The following CREB5 variants were observed in gnomAD, a reference collection of about 807,000 sequenced individuals.
CREB5 encodes cyclic AMP-responsive element-binding protein 5.
In CREB5, 19 loss-of-function variants were observed where a neutral mutation model predicts 57.1. The observed-to-expected ratio is 0.33, with a 90% CI of 0.23 to 0.49. CREB5 has a LOEUF of 0.49. Among genes scored for constraint, CREB5 ranks in the 20% least tolerant of loss-of-function variants. The probability of loss-of-function intolerance (pLI) is 0.99; values close to 1 mark genes in which losing one functional copy is unlikely to be tolerated. For missense variants in CREB5, 579 were observed against 671.6 expected (o/e 0.86, Z 1.52); for synonymous variants, 238 against 238.3 (o/e 1.00, Z 0.01).
intron 1 of CREB5, among the ~76,000 whole-genome samples, chr7:28,403,223 T>A (rs1044439867): frequency 6.6e-6 from 1 of 152,194 alleles, no homozygotes; most frequent in East Asian, 1.9e-4. Flanking sequence ...AGCTGGCTTA[T>A]GCTAAGACTC....
At chr7:28,465,458 G>C (rs1790524194) in intron 1 of CREB5, among the ~76,000 whole-genome samples, 1 of 152,194 alleles carries the variant, frequency 6.6e-6, no homozygotes, top group Non-Finnish European at 1.5e-5. Context: ...GTATTTCCAG[G>C]ATTCACAGGT....
At position 28,362,281 on chromosome 7, in the gene CREB5, G is replaced by T. The variant is rs575501377; in HGVS notation, c.-25+62840G>T. 1.5e-4 allele frequency among the ~76,000 whole-genome samples: 23 copies of T among 152,262 alleles called. No homozygotes were observed. The South Asian group carries it at 3.7e-3, about 25-fold the overall frequency. ...TGGCTAGTGATAAGCACAAAAAAGAGAAATTAACAAATTAATTAATACTTA... is the reference window on the plus strand; with the variant it reads ...TGGCTAGTGATAAGCACAAAAAAGATAAATTAACAAATTAATTAATACTTA... On this transcript the variant is annotated intron_variant, in intron 1 of 9. Transcript: ENST00000396299.
chr7:28,499,081 A>G (rs543580918), intron 3 of CREB5, among the ~76,000 whole-genome samples: 132 of 150,208 alleles, frequency 8.8e-4, no homozygotes, highest in African/African-American at 3.1e-3. Flanking sequence ...GTCTATTTCC[A>G]TGGTAGTACG....
At chr7:28,635,697 G>T (rs1798391011) in intron 5 of CREB5, among the ~76,000 whole-genome samples, 2 of 152,066 alleles carry the variant, frequency 1.3e-5, no homozygotes, top group South Asian at 4.2e-4. Context: ...TTTGGTTTAG[G>T]GTTTTATTAT....
intron 1 of CREB5, among the ~76,000 whole-genome samples, chr7:28,443,801 G>C (rs1185091851): frequency 1.3e-5 from 2 of 152,104 alleles, no homozygotes; most frequent in Non-Finnish European, 2.9e-5. Context: ...TTACGATGAT[G>C]ATGACTCTTT....
At chr7:28,757,671 CAAA>C (rs1008457413) in intron 7 of CREB5, among the ~76,000 whole-genome samples, 4 of 97,208 alleles carry the variant, frequency 4.1e-5, no homozygotes, top group Non-Finnish European at 4.4e-5. Flanking sequence ...GACTCCGTCT[CAAA>C]AAAAAAAAAA....
intron 1 of CREB5, among the ~76,000 whole-genome samples, chr7:28,421,782 T>TACAC (rs148906424): frequency 2.9e-4 from 43 of 145,838 alleles, no homozygotes; most frequent in Admixed American, 2.0e-3. Flanking sequence ...TATATATATA[T>TACAC]ACCATATATA....
chr7:28,647,732 A>G (rs1798941395), intron 5 of CREB5, among the ~76,000 whole-genome samples: 1 of 152,160 alleles, frequency 6.6e-6, no homozygotes, highest in Non-Finnish European at 1.5e-5. Context: ...TTTCAGCAAT[A>G]ATGGAAATGT....
intron 7 of CREB5, among the ~76,000 whole-genome samples, chr7:28,768,661 C>T (rs1439192336): frequency 6.6e-6 from 1 of 152,182 alleles, no homozygotes; most frequent in Non-Finnish European, 1.5e-5. Context: ...CATAGGTTCT[C>T]TTCCAGTTCT....
rs1795167491 is a variant in CREB5, at chr7:28,560,905, CGTGCGTGTGCGTGT to C, written c.292-9454_292-9441del. On this transcript the variant is annotated intron_variant, in intron 4 of 10. Transcript: ENST00000357727. ...GTGCGTGCGTGTGTGTGCGTGCGCG[CGTGCGTGTGCGTGT>C]GTGCGCGTGCGTGTGTGCGTGCGTG... Among the ~76,000 whole-genome samples, 2 of 13,468 alleles carry C rather than the reference CGTGCGTGTGCGTGT, an allele frequency of 1.5e-4. 1 individual carries two copies. Among genetic ancestry groups the C allele is most frequent in the Non-Finnish European group, 2.5e-4 (2 of 7,950 alleles). 8.8% of individuals were successfully genotyped at this position (13,468 alleles called of 152,430 possible).
intron 1 of CREB5, among the ~76,000 whole-genome samples, chr7:28,430,363 A>G (rs1036893557): frequency 6.6e-6 from 1 of 152,196 alleles, no homozygotes; most frequent in Admixed American, 6.5e-5. Flanking sequence ...AGAGAGAGGA[A>G]GTCCTTGCTT....
chr7:28,702,358 C>T (rs752769894), intron 5 of CREB5, among the ~76,000 whole-genome samples: 1 of 152,184 alleles, frequency 6.6e-6, no homozygotes, highest in African/African-American at 2.4e-5. Flanking sequence ...AATTATAAGC[C>T]TTGGAAAGAA....
Position 28,808,908 on chromosome 7 carries a change from G to A in CREB5, c.1027-279G>A, listed in dbSNP as rs531739833. On this transcript the variant is annotated intron_variant, in intron 8 of 10. Transcript: ENST00000357727. ...TAAATGTTTCCTCTACCATGATTCG[G>A]CCAAATGCCTGTCAGGGAAAAATCC... Among the ~76,000 whole-genome samples the A allele has an allele frequency of 3.3e-5, 5 of 152,014 alleles. No homozygotes were observed. In the South Asian group the frequency reaches 1.0e-3, roughly 32 times the overall value.
intron 4 of CREB5, among the ~76,000 whole-genome samples, chr7:28,548,053 C>T (rs1794484862): frequency 6.6e-6 from 1 of 152,162 alleles, no homozygotes; most frequent in South Asian, 2.1e-4. Context: ...TCAACACATT[C>T]TTCATTTAGT....
intron 1 of CREB5, among the ~76,000 whole-genome samples, chr7:28,336,370 G>A (rs1189178245): frequency 6.6e-6 from 1 of 151,944 alleles, no homozygotes; most frequent in Non-Finnish European, 1.5e-5. Context: ...CTTTGATCTT[G>A]TTGCTTGTTA....
chr7:28,515,910 A>G (rs1305875964), intron 4 of CREB5, among the ~76,000 whole-genome samples: 6 of 123,168 alleles, frequency 4.9e-5, no homozygotes, highest in Non-Finnish European at 9.0e-5. Flanking sequence ...TAAAGTAAAA[A>G]TATATATATA....
rs973897837 is a variant in CREB5 at position 28,333,022 on chromosome 7, T to C, written c.-25+33581T>C. On this transcript the variant is annotated intron_variant, in intron 1 of 9. Transcript: ENST00000396299. ...CAATTTCATTAGCTTTGTGAGATAG[T>C]GGCTACTTTCTTTTGATAGCAGACT... 3.3e-5 allele frequency among the ~76,000 whole-genome samples: 5 copies of C among 152,362 alleles called. No individual in the cohort carries two copies. The South Asian group carries it at 1.0e-3, about 32-fold the overall frequency.
At chr7:28,523,422 G>C (rs1206077626) in intron 4 of CREB5, among the ~76,000 whole-genome samples, 6 of 152,140 alleles carry the variant, frequency 3.9e-5, no homozygotes, top group African/African-American at 1.4e-4. Context: ...TGTGCTAGTT[G>C]GGTCAGGAGC....
chr7:28,405,437 G>A (rs192003333), intron 1 of CREB5, among the ~76,000 whole-genome samples: 8 of 152,052 alleles, frequency 5.3e-5, no homozygotes, highest in East Asian at 1.9e-4. Flanking sequence ...TTTGAAACAG[G>A]GTCTCACTCT....
Sources: gnomAD v4.1 joint callset for allele counts (sites outside exome capture counted in the v4.1 genomes callset) on GRCh38, gnomAD v4.1.1 for gene constraint, MANE v1.5 for transcripts, NCBI Gene and HGNC (gene_info 2026-07-23, HGNC 2026-07-21) for gene names.